FCF1: variants seen among roughly 807,000 people sequenced by gnomAD.
FCF1 encodes FCF1 rRNA-processing protein.
A neutral mutation model predicts 32.5 loss-of-function variants in FCF1; 17 were observed. The ratio of observed to expected loss-of-function variants is 0.52; its 90% CI spans 0.36 to 0.78. FCF1 has a LOEUF of 0.78. FCF1 is among the 30% of genes least tolerant of loss of function. The pLI is 0.00. For synonymous variants in FCF1, 84 were observed against 78.4 expected (o/e 1.07, Z -0.38); for missense variants, 201 against 241.1 (o/e 0.83, Z 1.10).
chr14:74,713,734 G>T (rs1416383794), intron 2 of FCF1, 182 bp downstream of exon 2: 3 of 619,192 alleles, frequency 4.8e-6, no homozygotes, highest in East Asian at 5.5e-5. Flanking sequence ...TGGGAAAGGC[G>T]ATGGGAATTA....
intron 5 of FCF1, among the ~76,000 whole-genome samples, chr14:74,727,221 C>T (rs1420303412): frequency 6.6e-6 from 1 of 152,190 alleles, no homozygotes; most frequent in African/African-American, 2.4e-5. Flanking sequence ...ACAGTCCTGC[C>T]AACAGTGTAA....
chr14:74,722,343 C>T (rs1429332843), intron 4 of FCF1, among the ~76,000 whole-genome samples: 1 of 152,102 alleles, frequency 6.6e-6, no homozygotes, highest in Non-Finnish European at 1.5e-5. Flanking sequence ...CCACTACGCC[C>T]GGCCAATATT....
intron 5 of FCF1, among the ~76,000 whole-genome samples, chr14:74,728,232 A>G (rs2090596901): frequency 6.6e-6 from 1 of 152,190 alleles, no homozygotes. Flanking sequence ...CTTCCTATCC[A>G]TGAGCATGGA....
At chr14:74,720,033 T>C (rs1381420931) in intron 4 of FCF1, among the ~76,000 whole-genome samples, 1 of 151,974 alleles carries the variant, frequency 6.6e-6, no homozygotes, top group Non-Finnish European at 1.5e-5. Flanking sequence ...TTCCAGCTAC[T>C]CGGGAGGCTG....
At chr14:74,734,465 G>A (rs965522477) in intron 7 of FCF1, among the ~76,000 whole-genome samples, 3 of 150,876 alleles carry the variant, frequency 2.0e-5, no homozygotes. Flanking sequence ...AGAAATACCT[G>A]TTTTGAAAGA....
At chr14:74,721,466 C>T (rs1315332966) in intron 4 of FCF1, among the ~76,000 whole-genome samples, 2 of 152,176 alleles carry the variant, frequency 1.3e-5, no homozygotes, top group Middle Eastern at 3.4e-3. Flanking sequence ...TTTGGGAGTT[C>T]GAGGCAGGTG....
rs1489263826 is a variant in FCF1, at chr14:74,715,966, C to T, written c.159C>T (p.Ser53=). 7 of 1,613,690 alleles carry T rather than the reference C, an allele frequency of 4.3e-6. No homozygotes were observed. Among genetic ancestry groups the T allele is most frequent in the Non-Finnish European group, 5.1e-6 (6 of 1,179,840 alleles). ...LKEREVPQHP[S]CLFFQYNTQL... The stretch of plus-strand genomic sequence containing the variant: ...TTTCCTTCAGTCCCCAACACCCTTC[C>T]TGCTTATTTTTCCAATATAATACAC... Residue 53 remains serine (S), a synonymous_variant, in exon 4 of 8, where the codon TCC becomes TCT. Transcript: ENST00000341162.
chr14:74,731,436 G>A (rs930414583), intron 5 of FCF1, among the ~76,000 whole-genome samples: 1 of 152,164 alleles, frequency 6.6e-6, no homozygotes, highest in South Asian at 2.1e-4. Context: ...TCCCTCTAGT[G>A]TATCCTCCCC....
chr14:74,715,732 A>C, intron 3 of FCF1: 3 of 976,122 alleles, frequency 3.1e-6, no homozygotes, highest in Non-Finnish European at 4.5e-6. Flanking sequence ...TGTTTTTGAT[A>C]ATTGCTTTTT....
intron 5 of FCF1, among the ~76,000 whole-genome samples, chr14:74,723,667 A>G (rs1321847068): frequency 6.6e-6 from 1 of 152,002 alleles, no homozygotes; most frequent in African/African-American, 2.4e-5. Context: ...TATCTCTTCT[A>G]AAAATACAAA....
intron 7 of FCF1, among the ~76,000 whole-genome samples, 180 bp downstream of exon 7, chr14:74,734,350 A>G (rs917326155): frequency 2.5e-4 from 37 of 146,738 alleles, no homozygotes; most frequent in African/African-American, 8.8e-4. Flanking sequence ...ATAGGATTTA[A>G]GGAATGAGGC....
chr14:74,731,532 G>A (rs189552330), intron 5 of FCF1, among the ~76,000 whole-genome samples: 2 of 152,224 alleles, frequency 1.3e-5, no homozygotes, highest in East Asian at 1.9e-4. Context: ...CTCATTACCT[G>A]TGTCATCACA....
chr14:74,715,654 T>G, intron 3 of FCF1: 3 of 453,438 alleles, frequency 6.6e-6, no homozygotes, highest in Non-Finnish European at 1.2e-5. Flanking sequence ...TCTACCTCCC[T>G]GTGCCCATGG....
chr14:74,727,159 C>G (rs1307598843), intron 5 of FCF1, among the ~76,000 whole-genome samples: 4 of 152,174 alleles, frequency 2.6e-5, no homozygotes, highest in Non-Finnish European at 5.9e-5. Flanking sequence ...ATTTCTAGTT[C>G]TAGATCCCTG....
Position 74,735,112 on chromosome 14 carries a change from G to T in FCF1, c.*182G>T. On this transcript the variant is annotated 3_prime_UTR_variant, in exon 8 of 8. Coordinates refer to ENST00000341162, the MANE Select transcript of FCF1 (RefSeq NM_015962.5). ...CATCCAAAGGACTGAACCCTGAACAGAGTTAAGTTACCTTTTAAGCATTTT... is the reference window on the plus strand; with the variant it reads ...CATCCAAAGGACTGAACCCTGAACATAGTTAAGTTACCTTTTAAGCATTTT... The T allele has an allele frequency of 3.6e-5, 16 of 442,670 alleles. No homozygotes were observed. Among genetic ancestry groups the T allele is most frequent in the East Asian group, 1.3e-4 (3 of 23,048 alleles). The allele number at this position is 442,670 out of a possible 1,614,324, so 27.4% of individuals were successfully genotyped here. A position where few individuals can be genotyped will look rare whatever the true frequency, so the allele number is the denominator to read the frequency against.
At chr14:74,724,422 C>T (rs755844172) in intron 5 of FCF1, among the ~76,000 whole-genome samples, 1 of 152,124 alleles carries the variant, frequency 6.6e-6, no homozygotes, top group African/African-American at 2.4e-5. Flanking sequence ...GTAGCTGGGA[C>T]TACAGGCATG....
chr14:74,713,322 C>T, intron 1 of FCF1, 122 bp downstream of exon 1: 1 of 1,600,756 alleles, frequency 6.2e-7, no homozygotes, highest in Non-Finnish European at 8.5e-7. Context: ...CTGGTCTTAG[C>T]TCTTAAACTT....
chr14:74,734,821 G>A (rs1594794233), intron 7 of FCF1, 61 bp from the exon 8 acceptor site: 3 of 1,406,522 alleles, frequency 2.1e-6, no homozygotes. Flanking sequence ...ATAAAGGATG[G>A]GTTTTTAGAT....
intron 4 of FCF1, among the ~76,000 whole-genome samples, chr14:74,717,018 A>T (rs917688185): frequency 3.7e-5 from 3 of 81,986 alleles, no homozygotes; most frequent in African/African-American, 1.3e-4. Flanking sequence ...GATTCTTTAG[A>T]TGCCCAAAAA....
Sources: gnomAD v4.1 joint callset for allele counts (sites outside exome capture counted in the v4.1 genomes callset) on GRCh38, gnomAD v4.1.1 for gene constraint, MANE v1.5 for transcripts, NCBI Gene and HGNC (gene_info 2026-07-23, HGNC 2026-07-21) for gene names.